Variants in LETM2 observed in about 807,000 individuals in gnomAD.
The protein encoded by LETM2 is leucine zipper and EF-hand containing transmembrane protein 2.
Under a neutral mutation model 59.6 loss-of-function variants are expected in LETM2, and 58 were observed. That is an observed-to-expected ratio of 0.97 (90% CI 0.79 to 1.21). The LOEUF (loss-of-function observed/expected upper bound fraction) is 1.21, where lower values mean the gene tolerates loss of function less well. LETM2 is among the 50% of genes most tolerant of loss of function. The pLI is 0.00. For missense variants in LETM2, 572 were observed against 575.7 expected (o/e 0.99, Z 0.07); for synonymous variants, 199 against 214.1 (o/e 0.93, Z 0.62).
In LETM2 at chr8:38,388,023, C is replaced by T. The variant is rs1286014810; in HGVS notation, c.40C>T (p.Arg14Ter). ...TTATAATTCAGTTCTGGCTATTGCT[C>T]GAACAAGGTAAGCATTGGAGTTACC... is the stretch of plus-strand genomic sequence containing the variant. ...YSYNSVLAIA[R>*]TRFPSHFVHP... is the part of the protein sequence containing the mutation. The change falls in exon 2 of 11, where the codon CGA (arginine) becomes TGA (stop). Residue 14 changes from arginine (R) to a stop codon, truncating the protein, a stop_gained. Coordinates refer to ENST00000379957, the MANE Select transcript of LETM2 (RefSeq NM_001286819.2). LOFTEE classifies it high-confidence loss of function. 9 of 1,528,158 alleles carry T rather than the reference C, an allele frequency of 5.9e-6. No individual in the cohort carries two copies. Among genetic ancestry groups the T allele is most frequent in the Non-Finnish European group, 7.0e-6 (8 of 1,140,670 alleles). The allele number at this position is 1,528,158 out of a possible 1,614,324, so 94.7% of individuals were successfully genotyped here. A position where few individuals can be genotyped will look rare whatever the true frequency, so the allele number is the denominator to read the frequency against.
chr8:38,391,108 G>T (rs1370322955), intron 2 of LETM2, among the ~76,000 whole-genome samples: 1 of 146,028 alleles, frequency 6.8e-6, no homozygotes, highest in East Asian at 2.0e-4. Flanking sequence ...AGCCTAGGAG[G>T]TCATGGCTGC....
intron 5 of LETM2, 114 bp from the exon 6 acceptor site, chr8:38,400,739 C>G (rs1373240320): frequency 1.1e-6 from 1 of 939,356 alleles, no homozygotes; most frequent in Non-Finnish European, 1.6e-6. Context: ...AGCCGATTTC[C>G]AGATGTCAGA....
chr8:38,383,084 G>A (rs1811644973), upstream of LETM2: 1 of 152,266 alleles, frequency 6.6e-6, no homozygotes, highest in Non-Finnish European at 1.5e-5. Flanking sequence ...GGGGGACCGC[G>A]ACGGCTCCGT....
intron 2 of LETM2, among the ~76,000 whole-genome samples, chr8:38,390,644 AG>A (rs1251918470): frequency 6.7e-6 from 1 of 148,412 alleles, no homozygotes; most frequent in Non-Finnish European, 1.5e-5. Flanking sequence ...AAAAAAAAAA[AG>A]AACCAAGACA....
chr8:38,388,659 G>A (rs1380849308), intron 2 of LETM2, among the ~76,000 whole-genome samples: 2 of 149,962 alleles, frequency 1.3e-5, no homozygotes, highest in Non-Finnish European at 3.0e-5. Flanking sequence ...GGCGGAGGTT[G>A]CAGTGGGCCA....
rs138342833 is a variant in LETM2 at position 38,408,492 on chromosome 8, C to G, written c.*218C>G. ...AAAATATAATTGCAAAGTCCCATTT[C>G]CTCTGTACCATTGTCACCCCACTCA... On this transcript the variant is annotated 3_prime_UTR_variant, in exon 11 of 11. Transcript: ENST00000379957. 722 of 506,172 alleles carry G rather than the reference C, an allele frequency of 1.4e-3. 3 individuals carry two copies. Among genetic ancestry groups the G allele is most frequent in the African/African-American group, 0.013 (680 of 51,708 alleles). 31.4% of individuals were successfully genotyped at this position (506,172 alleles called of 1,614,324 possible). A position where few individuals can be genotyped will look rare whatever the true frequency, so the allele number is the denominator to read the frequency against.
Position 38,404,520 on chromosome 8 carries a change from T to C in LETM2, c.1218+14T>C. The C allele has an allele frequency of 6.4e-7, 1 of 1,551,394 alleles. No homozygotes were observed. The stretch of plus-strand genomic sequence containing the variant: ...CTCAGTGGGGAGGTGAGTACCTGGG[T>C]TAATGGGGACCCTCGACGTCCATCC... On this transcript the variant is annotated intron_variant, in intron 8 of 10. Coordinates refer to ENST00000379957, the MANE Select transcript of LETM2 (RefSeq NM_001286819.2).
At chr8:38,399,814 C>T (rs1483339089) in intron 4 of LETM2, among the ~76,000 whole-genome samples, 2 of 149,860 alleles carry the variant, frequency 1.3e-5, no homozygotes, top group African/African-American at 4.9e-5. Context: ...GGTGTGGTGG[C>T]ACACACCTGT....
At chr8:38,392,300 C>T (rs931742154) in intron 2 of LETM2, among the ~76,000 whole-genome samples, 2 of 152,076 alleles carry the variant, frequency 1.3e-5, no homozygotes, top group African/African-American at 4.8e-5. Context: ...TGGCCTGTGC[C>T]TGTAATCCTA....
At chr8:38,391,460 G>C (rs944778983) in intron 2 of LETM2, among the ~76,000 whole-genome samples, 4 of 147,972 alleles carry the variant, frequency 2.7e-5, no homozygotes, top group Non-Finnish European at 6.0e-5. Context: ...GTGCCACCAC[G>C]CCCAGCTAAT....
At chr8:38,393,608 CTG>C (rs1424275286) in intron 3 of LETM2, 1 of 153,252 alleles carries the variant, frequency 6.5e-6, no homozygotes. Context: ...GATCGTGCCA[CTG>C]CACTCCAGCC....
At chr8:38,388,399 T>A (rs1242597054) in intron 2 of LETM2, among the ~76,000 whole-genome samples, 1 of 151,402 alleles carries the variant, frequency 6.6e-6, no homozygotes, top group African/African-American at 2.4e-5. Context: ...TCCTTCTAGA[T>A]GGAAAGGATT....
intron 4 of LETM2, among the ~76,000 whole-genome samples, chr8:38,396,310 T>C (rs913593641): frequency 1.3e-5 from 2 of 151,956 alleles, no homozygotes; most frequent in African/African-American, 4.8e-5. Flanking sequence ...ATTACAGACA[T>C]GTGCCACTAC....
chr8:38,397,243 C>G (rs1417107484), intron 4 of LETM2: 2 of 432,428 alleles, frequency 4.6e-6, no homozygotes, highest in East Asian at 1.4e-4. Context: ...GTGGCACAAT[C>G]TTGGCTCACT....
At chr8:38,403,574 C>T (rs550192046) in intron 7 of LETM2, among the ~76,000 whole-genome samples, 9 of 152,348 alleles carry the variant, frequency 5.9e-5, no homozygotes, top group African/African-American at 2.2e-4. Flanking sequence ...AGCATCAATG[C>T]TTTAAAACAA....
Position 38,404,461 on chromosome 8 carries a change from G to C in LETM2, c.1173G>C (p.Leu391=). 1 of 1,614,082 alleles carries C rather than the reference G, an allele frequency of 6.2e-7. No individual in the cohort carries two copies. The highest frequency in any genetic ancestry group is 8.5e-7 in the Non-Finnish European group (1 of 1,180,010). ...TGCTCCTGTCCCGCACCTTCTACCTGATAGATGTGAAGCCCAAGCCGATTG... is the reference window on the plus strand; with the variant it reads ...TGCTCCTGTCCCGCACCTTCTACCTCATAGATGTGAAGCCCAAGCCGATTG... ...SLLLLSRTFY[L]IDVKPKPIEI... The change falls in exon 8 of 11, where the codon CTG becomes CTC. Residue 391 remains leucine (L), a synonymous_variant. Transcript: ENST00000379957.
intron 9 of LETM2, 73 bp downstream of exon 9, chr8:38,407,111 T>G: frequency 1.1e-6 from 1 of 886,030 alleles, no homozygotes. Context: ...TTCTCCTGTT[T>G]TAATCCCCTT....
intron 2 of LETM2, among the ~76,000 whole-genome samples, chr8:38,391,521 T>C (rs1049003135): frequency 5.3e-5 from 8 of 151,924 alleles, no homozygotes; most frequent in Admixed American, 2.0e-4. Context: ...CAGGATGGTC[T>C]CGATCTCTTG....
intron 3 of LETM2, chr8:38,393,892 T>G (rs1481488323): frequency 2.4e-6 from 1 of 420,060 alleles, no homozygotes; most frequent in Admixed American, 4.1e-5. Flanking sequence ...ATGGCACATA[T>G]GCCTGTAATC....
Sources: gnomAD v4.1 joint callset for allele counts (sites outside exome capture counted in the v4.1 genomes callset) on GRCh38, gnomAD v4.1.1 for gene constraint, MANE v1.5 for transcripts, NCBI Gene and HGNC (gene_info 2026-07-23, HGNC 2026-07-21) for gene names.